The following MYO9A variants were observed in gnomAD, a reference collection of about 807,000 sequenced individuals.
MYO9A encodes the protein unconventional myosin-IXa.
MYO9A carries 103 observed loss-of-function variants against 293.3 expected under a neutral mutation model. The ratio of observed to expected loss-of-function variants is 0.35; its 90% CI spans 0.30 to 0.41. The LOEUF is 0.41. Among genes scored for constraint, MYO9A ranks in the 10% least tolerant of loss-of-function variants. The pLI, the probability that MYO9A is intolerant of heterozygous loss-of-function variation, is 1.00. For missense variants in MYO9A, 2,685 were observed against 3,033.0 expected, an observed-to-expected ratio of 0.89 and a Z score of 2.69; for synonymous variants, 1,001 against 1,035.7, an observed-to-expected ratio of 0.97 and a Z score of 0.64.
chr15:71,907,038 C>A (rs559300504), intron 19 of MYO9A, among the ~76,000 whole-genome samples: 325 of 149,318 alleles, frequency 2.2e-3, no homozygotes, highest in African/African-American at 6.1e-3. Context: ...GGTGCGCTGC[C>A]CCCACTAACT....
chr15:71,855,570 T>C (rs920778969), intron 34 of MYO9A, among the ~76,000 whole-genome samples: 1 of 152,190 alleles, frequency 6.6e-6, no homozygotes. Context: ...CTGAAAATTG[T>C]TTTGCAAATC....
At chr15:71,842,940 G>A (rs2055225502) in intron 39 of MYO9A, among the ~76,000 whole-genome samples, 1 of 151,784 alleles carries the variant, frequency 6.6e-6, no homozygotes, top group Non-Finnish European at 1.5e-5. Context: ...TATGGGGCGG[G>A]GGGTGGTGAG....
At chr15:71,860,290 C>CTTATT (rs1431121446) in intron 33 of MYO9A, among the ~76,000 whole-genome samples, 5 of 152,138 alleles carry the variant, frequency 3.3e-5, no homozygotes, top group Admixed American at 6.5e-5. Context: ...TAAGAAAGGT[C>CTTATT]TTATTTATGA....
intron 32 of MYO9A, among the ~76,000 whole-genome samples, chr15:71,867,010 T>C (rs1298198208): frequency 2.0e-5 from 3 of 151,834 alleles, no homozygotes; most frequent in African/African-American, 7.3e-5. Context: ...TGAGCCGAGA[T>C]TGCACTACTG....
At chr15:72,053,910 T>C (rs1488778212) in intron 1 of MYO9A, among the ~76,000 whole-genome samples, 2 of 152,060 alleles carry the variant, frequency 1.3e-5, no homozygotes, top group African/African-American at 4.8e-5. Flanking sequence ...TCAGAATAGG[T>C]AGATCAAATA....
chr15:71,933,712 A>G lies in MYO9A; in HGVS notation c.2523-3T>C. On this transcript the variant is annotated splice_region_variant and splice_polypyrimidine_tract_variant and intron_variant, in intron 17 of 41. Transcript: ENST00000356056. Reference sequence around the variant, plus strand: ...TGGATTTGAAATTTTTGTTTCTCCTATAGAGATAAATCATTCATTAAAAAA... The same window carrying G: ...TGGATTTGAAATTTTTGTTTCTCCTGTAGAGATAAATCATTCATTAAAAAA... 1.3e-6 allele frequency: 2 copies of G among 1,599,930 alleles called. No homozygotes were observed. Among genetic ancestry groups the G allele is most frequent in the East Asian group, 2.2e-5 (1 of 44,590 alleles).
At chr15:71,926,503 G>T (rs954774482) in intron 18 of MYO9A, among the ~76,000 whole-genome samples, 1 of 152,168 alleles carries the variant, frequency 6.6e-6, no homozygotes, top group Non-Finnish European at 1.5e-5. Context: ...GAGGTCAGAA[G>T]TTCAAGACAA....
At chr15:71,928,942 G>A (rs891442024) in intron 18 of MYO9A, among the ~76,000 whole-genome samples, 1 of 151,734 alleles carries the variant, frequency 6.6e-6, no homozygotes, top group Non-Finnish European at 1.5e-5. Flanking sequence ...GTGGTAGCAT[G>A]CACCTGCAGT....
At chr15:71,918,929 G>A (rs2058081568) in intron 18 of MYO9A, among the ~76,000 whole-genome samples, 1 of 152,050 alleles carries the variant, frequency 6.6e-6, no homozygotes, top group South Asian at 2.1e-4. Context: ...TCATTTGCTT[G>A]GAATACTCTA....
chr15:71,964,016 G>A (rs375106394), intron 13 of MYO9A, among the ~76,000 whole-genome samples: 84 of 152,260 alleles, frequency 5.5e-4, no homozygotes, highest in African/African-American at 1.9e-3. Flanking sequence ...TTTTGGTAAA[G>A]TGTTTTTTAA....
At chr15:71,890,621 C>T (rs1001104858) in intron 26 of MYO9A, 2 of 152,044 alleles carry the variant, frequency 1.3e-5, no homozygotes, top group Non-Finnish European at 1.5e-5. Context: ...GTTATTCAAA[C>T]GGCAGCGTTT....
chr15:71,981,161 C>T (rs1430668484), intron 11 of MYO9A, among the ~76,000 whole-genome samples: 1 of 151,946 alleles, frequency 6.6e-6, no homozygotes, highest in Admixed American at 6.6e-5. Flanking sequence ...ATGTATTATC[C>T]TTTTGTACAT....
At chr15:71,858,172 G>A (rs1356082454) in intron 34 of MYO9A, among the ~76,000 whole-genome samples, 1 of 152,230 alleles carries the variant, frequency 6.6e-6, no homozygotes, top group African/African-American at 2.4e-5. Context: ...CTATAAACTG[G>A]TTCAACCATT....
Position 72,045,934 on chromosome 15 carries a change from T to A in MYO9A, c.630A>T (p.Lys210Asn), listed in dbSNP as rs1309649350. ...VKMYDNHQLG[K>N]LEPHIYAVAD... ...CCACAGCATAAATGTGGGGCTCAAG[T>A]TTTCCCAGTTGGTGGTTATCATACA... Residue 210 changes from lysine to asparagine, a missense_variant, in exon 2 of 42, where the codon AAA (lysine) becomes AAT (asparagine). Around this residue, in one of 10 missense-constraint regions of MYO9A, gnomAD observed 289 missense variants for 456.8 expected, o/e 0.63. Transcript: ENST00000356056. 6.2e-7 allele frequency: 1 copy of A among 1,614,148 alleles called. No individual in the cohort carries two copies. Among genetic ancestry groups the A allele is most frequent in the South Asian group, 1.1e-5 (1 of 91,082 alleles).
At chr15:71,880,606 T>C (rs962408159) in intron 28 of MYO9A, 48 bp from the exon 29 acceptor site, 7 of 1,468,280 alleles carry the variant, frequency 4.8e-6, no homozygotes, top group African/African-American at 4.2e-5. Flanking sequence ...AGTAAATATA[T>C]TGATAATCTT....
intron 3 of MYO9A, among the ~76,000 whole-genome samples, chr15:72,029,236 A>G (rs1454504864): frequency 6.6e-6 from 1 of 152,238 alleles, no homozygotes; most frequent in Non-Finnish European, 1.5e-5. Context: ...GGGTACACAT[A>G]CCAACTTCAG....
At position 71,925,426 on chromosome 15, in the gene MYO9A, TATATAG is replaced by T. The variant is rs959089793; in HGVS notation, c.2562+8238_2562+8243del. Among the ~76,000 whole-genome samples the T allele has an allele frequency of 7.3e-5, 11 of 151,400 alleles. 1 individual carries two copies. Among genetic ancestry groups the T allele is most frequent in the African/African-American group, 2.7e-4 (11 of 41,070 alleles). On this transcript the variant is annotated intron_variant, in intron 18 of 41. Coordinates refer to ENST00000356056, the MANE Select transcript of MYO9A (RefSeq NM_006901.4). ...GTATATACATATCTATGTATATGTA[TATATAG>T]ATACGTATATACATGTATATCTATA... is the stretch of plus-strand genomic sequence containing the variant.
At chr15:71,867,074 A>AC (rs2056353444) in intron 32 of MYO9A, among the ~76,000 whole-genome samples, 1 of 139,846 alleles carries the variant, frequency 7.2e-6, no homozygotes, top group African/African-American at 2.9e-5. Flanking sequence ...ACAAAAAACA[A>AC]AACACACACA....
chr15:71,951,458 A>G (rs2059048945), intron 15 of MYO9A, among the ~76,000 whole-genome samples: 1 of 151,580 alleles, frequency 6.6e-6, no homozygotes, highest in Admixed American at 6.6e-5. Flanking sequence ...TTTTATGAGC[A>G]GGAAAGAAAA....
Sources: allele counts gnomAD v4.1 joint callset (sites outside exome capture counted in the v4.1 genomes callset), GRCh38; gene constraint gnomAD v4.1.1; regional missense constraint gnomAD v4.1.1; transcripts MANE v1.5; gene names NCBI Gene and HGNC (gene_info 2026-07-23, HGNC 2026-07-21).